The following RIPOR2 variants were observed in gnomAD, a reference collection of about 807,000 sequenced individuals.
RIPOR2 encodes rho family-interacting cell polarization regulator 2.
RIPOR2 carries 39 observed loss-of-function variants against 114.5 expected under a neutral mutation model. The observed-to-expected ratio is 0.34, with a 90% CI of 0.26 to 0.44. The LOEUF (loss-of-function observed/expected upper bound fraction) is 0.44, where lower values mean the gene tolerates loss of function less well. RIPOR2 is among the 20% of genes least tolerant of loss of function. RIPOR2 has a pLI of 1.00. For missense variants in RIPOR2, 1,007 were observed against 1,255.1 expected (o/e 0.80, Z 2.99); for synonymous variants, 445 against 484.4 (o/e 0.92, Z 1.07).
chr6:24,843,336 G>A lies in RIPOR2; in HGVS notation c.1383C>T (p.Ser461=), dbSNP rs777675959. 43 of 1,613,834 alleles carry A rather than the reference G, an allele frequency of 2.7e-5. 1 individual carries two copies. The Middle Eastern group carries it at 4.9e-4, about 19-fold the overall frequency. The change falls in exon 13 of 22, where the codon AGC becomes AGT. Residue 461 remains serine (S), a synonymous_variant. Coordinates refer to ENST00000643898, the MANE Select transcript of RIPOR2 (RefSeq NM_001286445.3). ...ASQNEGMDDT[S]SASSRNSLGE... ...CCAGGGAGTTCCTGGAAGATGCTGAGCTGGTGTCATCCATACCCTCATTCT... is the reference window on the plus strand; with the variant it reads ...CCAGGGAGTTCCTGGAAGATGCTGAACTGGTGTCATCCATACCCTCATTCT...
upstream of RIPOR2, among the ~76,000 whole-genome samples, chr6:24,939,161 G>A (rs970866420): frequency 6.6e-6 from 1 of 152,076 alleles, no homozygotes; most frequent in Non-Finnish European, 1.5e-5. Flanking sequence ...ATCCACCCAA[G>A]GTCATACATT....
Position 24,804,640 on chromosome 6 carries a change from C to T in RIPOR2, c.*1733G>A, listed in dbSNP as rs1363927582. 2 of 152,084 alleles carry T rather than the reference C, an allele frequency of 1.3e-5. No homozygotes were observed. The highest frequency in any genetic ancestry group is 2.9e-5 in the Non-Finnish European group (2 of 68,008). The allele number at this position is 152,084 out of a possible 1,614,324, so 9.4% of individuals were successfully genotyped here. On this transcript the variant is annotated 3_prime_UTR_variant, in exon 22 of 22. Transcript: ENST00000643898. Reference sequence around the variant, plus strand: ...TATACAGATATGTACACGATAAGTTCACAGTTGAAAGAACCATTTGCCAGA... The same window carrying T: ...TATACAGATATGTACACGATAAGTTTACAGTTGAAAGAACCATTTGCCAGA...
chr6:24,865,368 GA>G lies in RIPOR2; in HGVS notation c.583del (p.Ser195ProfsTer11). 1 of 1,613,534 alleles carries G rather than the reference GA, an allele frequency of 6.2e-7. No individual in the cohort carries two copies. Among genetic ancestry groups the G allele is most frequent in the Non-Finnish European group, 8.5e-7 (1 of 1,179,610 alleles). On this transcript the variant is annotated frameshift_variant, in exon 7 of 22. Transcript: ENST00000643898. LOFTEE classifies it high-confidence loss of function. ...ASKMKQAFATSPASKAARESL... is the reference protein window; with the variant it reads ...ASKMKQAFATXPASKAARESL... ...CTCCCGGGCAGCTTTGCTGGCAGGG[GA>G]TGTTGCGAAGGCTTGCTTCATTTTG...
intron 1 of RIPOR2, among the ~76,000 whole-genome samples, chr6:24,949,176 C>T (rs1310008193): frequency 6.6e-6 from 1 of 152,040 alleles, no homozygotes; most frequent in African/African-American, 2.4e-5. Context: ...AGGCAGTGAA[C>T]CAAGACTTAC....
chr6:24,869,068 G>C, intron 6 of RIPOR2, 26 bp downstream of exon 6: 1 of 1,394,650 alleles, frequency 7.2e-7, no homozygotes, highest in Non-Finnish European at 1.0e-6. Context: ...TGAAAAACAG[G>C]CAATGAGAAC....
rs1463508513 is a variant in RIPOR2 at position 24,883,993 on chromosome 6, A to G, written c.62-8176T>C. Among the ~76,000 whole-genome samples, 2 of 152,260 alleles carry G rather than the reference A, an allele frequency of 1.3e-5. No individual in the cohort carries two copies. Among genetic ancestry groups the G allele is most frequent in the Admixed American group, 6.5e-5 (1 of 15,290 alleles). Reference sequence around the variant, plus strand: ...AAAATAATTATTTAAGATGAAAACTAAAGATACACGTCTGCTTATTATATG... The same window carrying G: ...AAAATAATTATTTAAGATGAAAACTGAAGATACACGTCTGCTTATTATATG... On this transcript the variant is annotated intron_variant, in intron 1 of 21. Coordinates refer to ENST00000643898, the MANE Select transcript of RIPOR2 (RefSeq NM_001286445.3). This position sits in a 1 kb window ranked among gnomAD's most constrained non-coding sequence, Gnocchi z 4.1.
In RIPOR2 at chr6:24,914,037, T is replaced by G. The variant is rs1769880503; in HGVS notation, c.61+21801A>C. ...CCCCCCTCACATATAAATTTTAAAT[T>G]GAATACACCCCTAATGGCCGGGCAT... is the stretch of plus-strand genomic sequence containing the variant. On this transcript the variant is annotated intron_variant, in intron 1 of 21. Coordinates refer to ENST00000643898, the MANE Select transcript of RIPOR2 (RefSeq NM_001286445.3). 2.0e-5 allele frequency among the ~76,000 whole-genome samples: 3 copies of G among 152,250 alleles called. No homozygotes were observed. The South Asian group carries it at 6.2e-4, about 32-fold the overall frequency.
intron 1 of RIPOR2, chr6:24,948,275 T>C (rs1213651395): frequency 2.0e-5 from 3 of 152,222 alleles, no homozygotes; most frequent in Admixed American, 2.0e-4. Context: ...TGGATGTTGA[T>C]AACCAAACAA....
chr6:25,039,890 T>C (rs1374501300), intron 1 of RIPOR2, among the ~76,000 whole-genome samples: 1 of 152,244 alleles, frequency 6.6e-6, no homozygotes, highest in East Asian at 1.9e-4. Context: ...GAAAAAGAAG[T>C]ATTTTGCTTG....
intron 1 of RIPOR2, among the ~76,000 whole-genome samples, chr6:24,876,313 A>G (rs1765754268): frequency 6.6e-6 from 1 of 152,144 alleles, no homozygotes; most frequent in Admixed American, 6.6e-5. Context: ...AGAAGAAAGA[A>G]AAGAAAATAA....
intron 14 of RIPOR2, 106 bp downstream of exon 14, chr6:24,838,985 T>G: frequency 2.1e-6 from 2 of 950,398 alleles, no homozygotes; most frequent in Non-Finnish European, 1.5e-6. Flanking sequence ...ATGTGGAGAG[T>G]TTTATCTTCC....
rs531074510 is a variant in RIPOR2, at chr6:24,988,623, T to C, written c.76+53228A>G. Among the ~76,000 whole-genome samples, 5 of 152,334 alleles carry C rather than the reference T, an allele frequency of 3.3e-5. No individual in the cohort carries two copies. In the East Asian group the frequency reaches 9.6e-4, roughly 29 times the overall value. Reference sequence around the variant, plus strand: ...GAAAACTCAAAGAATAATGATTGTGTAGAAAAGACATCATATATTGGCTTG... The same window carrying C: ...GAAAACTCAAAGAATAATGATTGTGCAGAAAAGACATCATATATTGGCTTG... On this transcript the variant is annotated intron_variant, in intron 1 of 13. Transcript: ENST00000510784.
chr6:24,974,249 G>A (rs907723272), intron 1 of RIPOR2, among the ~76,000 whole-genome samples: 6 of 152,072 alleles, frequency 3.9e-5, no homozygotes, highest in Non-Finnish European at 7.4e-5. Context: ...AGCTGGATGC[G>A]GTGGTGAGCA....
chr6:24,818,933 A>G (rs1338856360), intron 19 of RIPOR2, among the ~76,000 whole-genome samples: 2 of 151,952 alleles, frequency 1.3e-5, no homozygotes, highest in Non-Finnish European at 2.9e-5. Context: ...TAAACCAAGT[A>G]ACGAGGAAGG....
chr6:24,916,521 A>G (rs759139152), intron 1 of RIPOR2, among the ~76,000 whole-genome samples: 27 of 152,196 alleles, frequency 1.8e-4, no homozygotes, highest in Non-Finnish European at 3.2e-4. Flanking sequence ...GAGAGCATAC[A>G]CTATCCCTGC....
intron 1 of RIPOR2, among the ~76,000 whole-genome samples, chr6:25,006,823 A>G (rs76488511): frequency 0.038 from 5,735 of 152,346 alleles, 374 homozygotes; most frequent in African/African-American, 0.12. Flanking sequence ...GAGAAAGAGG[A>G]AACATGCACT....
At chr6:24,868,434 C>T (rs1400292730) in intron 6 of RIPOR2, among the ~76,000 whole-genome samples, 1 of 152,148 alleles carries the variant, frequency 6.6e-6, no homozygotes, top group African/African-American at 2.4e-5. Flanking sequence ...TGTGATTTAG[C>T]TGCCTCTAAA....
intron 1 of RIPOR2, among the ~76,000 whole-genome samples, chr6:24,978,683 G>C (rs1561821757): frequency 6.6e-6 from 1 of 152,162 alleles, no homozygotes; most frequent in Admixed American, 6.5e-5. Context: ...GCCTAGGTTT[G>C]AATCCTAAAT....
At chr6:24,874,195 TA>T (rs1274590719) in intron 2 of RIPOR2, among the ~76,000 whole-genome samples, 4 of 152,276 alleles carry the variant, frequency 2.6e-5, no homozygotes, top group South Asian at 4.1e-4. Flanking sequence ...CACACCTGGC[TA>T]ATTTTTTTTT....
Sources: allele counts gnomAD v4.1 joint callset (sites outside exome capture counted in the v4.1 genomes callset), GRCh38; gene constraint gnomAD v4.1.1; non-coding constraint Gnocchi (gnomAD v3.1); transcripts MANE v1.5; gene names NCBI Gene and HGNC (gene_info 2026-07-23, HGNC 2026-07-21).